The following GRB14 variants were observed in gnomAD, a reference collection of about 807,000 sequenced individuals.
GRB14 encodes growth factor receptor-bound protein 14.
GRB14 carries 38 observed loss-of-function variants against 69.1 expected under a neutral mutation model. The ratio of observed to expected loss-of-function variants is 0.55; its 90% CI spans 0.42 to 0.72. The LOEUF (loss-of-function observed/expected upper bound fraction) is 0.72. Among genes scored for constraint, GRB14 ranks in the 30% least tolerant of loss-of-function variants. GRB14 has a pLI of 0.00. For synonymous variants in GRB14, 247 were observed against 241.3 expected (o/e 1.02, Z -0.22); for missense variants, 666 against 666.1 (o/e 1.00, Z 0.00).
intron 2 of GRB14, among the ~76,000 whole-genome samples, chr2:164,617,930 G>C (rs1051933795): frequency 3.7e-5 from 5 of 136,906 alleles, no homozygotes; most frequent in African/African-American, 1.1e-4. Context: ...TTCTTACTCT[G>C]GCTCAAGGAC....
At chr2:164,518,114 T>C (rs1040323491) in intron 6 of GRB14, among the ~76,000 whole-genome samples, 2 of 152,194 alleles carry the variant, frequency 1.3e-5, no homozygotes, top group Non-Finnish European at 1.5e-5. Flanking sequence ...GACCATATGA[T>C]ACGCCACAAA....
At chr2:164,555,679 T>A (rs2105317627) in intron 2 of GRB14, among the ~76,000 whole-genome samples, 1 of 150,506 alleles carries the variant, frequency 6.6e-6, no homozygotes, top group South Asian at 2.1e-4. Flanking sequence ...AATATGACCT[T>A]AGCATGATGA....
intron 2 of GRB14, among the ~76,000 whole-genome samples, chr2:164,564,898 C>T (rs1194096343): frequency 6.6e-6 from 1 of 152,002 alleles, no homozygotes; most frequent in African/African-American, 2.4e-5. Context: ...GCCTGTAGTC[C>T]CAGCTACTGA....
intron 2 of GRB14, among the ~76,000 whole-genome samples, chr2:164,588,246 C>T (rs568171184): frequency 6.6e-6 from 1 of 152,180 alleles, no homozygotes; most frequent in South Asian, 2.1e-4. Context: ...AGAAAACTAA[C>T]AATATTGCCC....
intron 12 of GRB14, 79 bp downstream of exon 12, chr2:164,496,929 G>A (rs1686915330): frequency 9.0e-7 from 1 of 1,105,708 alleles, no homozygotes; most frequent in African/African-American, 1.6e-5. Flanking sequence ...AGAACTCTTT[G>A]TGGCTATGGA....
chr2:164,563,651 G>A (rs1199758746), intron 2 of GRB14, among the ~76,000 whole-genome samples: 1 of 152,216 alleles, frequency 6.6e-6, no homozygotes, highest in Non-Finnish European at 1.5e-5. Context: ...GAGTTCAGTT[G>A]CCTGAGGACA....
At chr2:164,535,757 A>G (rs758447111) in intron 3 of GRB14, among the ~76,000 whole-genome samples, 2 of 152,192 alleles carry the variant, frequency 1.3e-5, no homozygotes, top group Non-Finnish European at 2.9e-5. Flanking sequence ...ATACTACTTA[A>G]TACCAGCAGG....
At chr2:164,573,709 T>TG (rs1689174180) in intron 2 of GRB14, 1 of 1,601,346 alleles carries the variant, frequency 6.2e-7, no homozygotes, top group East Asian at 2.2e-5. Context: ...GCCTCTGACC[T>TG]GCTATTCTAA....
intron 2 of GRB14, among the ~76,000 whole-genome samples, chr2:164,602,913 G>GA (rs1689954505): frequency 6.6e-6 from 1 of 152,106 alleles, no homozygotes; most frequent in Non-Finnish European, 1.5e-5. Context: ...AAAGATTAAG[G>GA]AAAAGAGATA....
At chr2:164,544,099 G>T (rs1324280574) in intron 3 of GRB14, among the ~76,000 whole-genome samples, 1 of 152,194 alleles carries the variant, frequency 6.6e-6, no homozygotes, top group Non-Finnish European at 1.5e-5. Flanking sequence ...CTAATGCATG[G>T]TTGATGAAGT....
rs771370778 is a variant in GRB14, at chr2:164,522,072, G to A, written c.724C>T (p.His242Tyr). The A allele has an allele frequency of 1.2e-6, 2 of 1,602,178 alleles. No homozygotes were observed. Among genetic ancestry groups the A allele is most frequent in the Non-Finnish European group, 1.7e-6 (2 of 1,171,882 alleles). The stretch of plus-strand genomic sequence containing the variant: ...GACTTCTTTCCCTGTTCTTTCGCAT[G>A]TAAGAAACCATGAATTTCAGGATAT... ...STYPEIHGFL[H>Y]AKEQGKKSWK... is the part of the protein sequence containing the mutation. Residue 242 changes from histidine (H) to tyrosine (Y), a missense_variant, in exon 6 of 14, where the codon CAT becomes TAT. Coordinates refer to ENST00000263915, the MANE Select transcript of GRB14 (RefSeq NM_004490.3).
intron 9 of GRB14, among the ~76,000 whole-genome samples, chr2:164,498,265 TA>T (rs1686957942): frequency 6.6e-6 from 1 of 152,178 alleles, no homozygotes; most frequent in Non-Finnish European, 1.5e-5. Context: ...AAGGCAACTT[TA>T]AAGAAACTTA....
chr2:164,550,826 C>A (rs961364662), intron 2 of GRB14, among the ~76,000 whole-genome samples: 1 of 152,058 alleles, frequency 6.6e-6, no homozygotes, highest in Non-Finnish European at 1.5e-5. Flanking sequence ...CTTAAAAATT[C>A]TTCAGTGGTA....
chr2:164,596,127 A>G (rs1689777764), intron 2 of GRB14, among the ~76,000 whole-genome samples: 1 of 152,162 alleles, frequency 6.6e-6, no homozygotes, highest in Non-Finnish European at 1.5e-5. Flanking sequence ...CGTCAAAAAC[A>G]AAGAGATAGA....
At chr2:164,535,489 C>T (rs973235257) in intron 3 of GRB14, among the ~76,000 whole-genome samples, 1 of 152,192 alleles carries the variant, frequency 6.6e-6, no homozygotes, top group Non-Finnish European at 1.5e-5. Context: ...CCCTACTCTT[C>T]TCTCACTTGA....
At chr2:164,560,148 A>G (rs954748154) in intron 2 of GRB14, among the ~76,000 whole-genome samples, 3 of 152,122 alleles carry the variant, frequency 2.0e-5, no homozygotes, top group African/African-American at 7.2e-5. Flanking sequence ...CTGATGCTGT[A>G]TTCTTACCAT....
At chr2:164,546,756 G>A (rs938135699) in intron 3 of GRB14, among the ~76,000 whole-genome samples, 2 of 152,150 alleles carry the variant, frequency 1.3e-5, no homozygotes, top group African/African-American at 2.4e-5. Context: ...AAATATCCCT[G>A]AGGACAGGCA....
At chr2:164,532,768 C>T (rs1251816753) in intron 3 of GRB14, among the ~76,000 whole-genome samples, 1 of 152,106 alleles carries the variant, frequency 6.6e-6, no homozygotes. Context: ...TTTAAGCCAC[C>T]AAATTTGTAA....
chr2:164,530,962 G>A (rs1687918555), intron 3 of GRB14, among the ~76,000 whole-genome samples: 1 of 152,166 alleles, frequency 6.6e-6, no homozygotes. Flanking sequence ...AACCCCAGGA[G>A]AGATGATGCA....
Sources: allele counts gnomAD v4.1 joint callset (sites outside exome capture counted in the v4.1 genomes callset), GRCh38; gene constraint gnomAD v4.1.1; transcripts MANE v1.5; gene names NCBI Gene and HGNC (gene_info 2026-07-23, HGNC 2026-07-21).